Variants in DMD observed in about 807,000 individuals in gnomAD.
The protein encoded by DMD is dystrophin, also known as mutant dystrophin.
Under a neutral mutation model 330.1 loss-of-function variants are expected in DMD, and 63 were observed. The observed-to-expected ratio is 0.19, with a 90% CI of 0.16 to 0.24. The LOEUF (loss-of-function observed/expected upper bound fraction) is 0.24. Ranked by LOEUF, DMD falls within the 10% of genes least tolerant of loss-of-function variation. The probability of loss-of-function intolerance (pLI) is 1.00; values close to 1 mark genes in which losing one functional copy is unlikely to be tolerated. For synonymous variants in DMD, 1,223 were observed against 959.8 expected (o/e 1.27, Z -5.07); for missense variants, 3,344 against 2,684.1 (o/e 1.25, Z -5.43).
At chrX:31,470,651 C>G (rs1187446649) in intron 59 of DMD, among the ~76,000 whole-genome samples, 1 of 112,282 alleles carries the variant, frequency 8.9e-6, no homozygotes, top group Non-Finnish European at 1.9e-5. Context: ...AGAAGGCAGT[C>G]TGTCCCTTAG....
chrX:32,611,013 T>A (rs973062951), intron 12 of DMD, among the ~76,000 whole-genome samples: 1 of 111,286 alleles, frequency 9.0e-6, no homozygotes, highest in Admixed American at 9.6e-5. Context: ...AGTGTTCCTT[T>A]AATTCTGTAT....
At chrX:32,610,882 G>GA (rs1188970140) in intron 12 of DMD, among the ~76,000 whole-genome samples, 2 of 110,615 alleles carry the variant, frequency 1.8e-5, no homozygotes, top group African/African-American at 3.3e-5. Context: ...CAATTCTTGG[G>GA]AAAAAAAGCT....
chrX:32,133,171 G>A (rs1392830164), intron 44 of DMD, among the ~76,000 whole-genome samples: 2 of 109,086 alleles, frequency 1.8e-5, no homozygotes, highest in East Asian at 5.8e-4. Flanking sequence ...ACCACACCCA[G>A]CTAATTTTGT....
intron 7 of DMD, among the ~76,000 whole-genome samples, chrX:32,780,117 T>C (rs2074569949): frequency 8.9e-6 from 1 of 111,942 alleles, no homozygotes; most frequent in Non-Finnish European, 1.9e-5. Flanking sequence ...TTTAGCATAC[T>C]CAATAAAATC....
At chrX:32,965,418 T>C (rs186627314) in intron 2 of DMD, among the ~76,000 whole-genome samples, 1,073 of 97,714 alleles carry the variant, frequency 0.011, 15 homozygotes, top group African/African-American at 0.039. Flanking sequence ...CATTTGAACC[T>C]GGGAGGCGGA....
At chrX:32,899,391 T>C (rs1255935315) in intron 2 of DMD, among the ~76,000 whole-genome samples, 1 of 111,293 alleles carries the variant, frequency 9.0e-6, no homozygotes, top group African/African-American at 3.3e-5. Flanking sequence ...TACTTAATTC[T>C]ACGGCCGGGT....
At chrX:32,016,538 T>A (rs764421596) in intron 44 of DMD, among the ~76,000 whole-genome samples, 4,024 of 112,271 alleles carry the variant, frequency 0.036, 67 homozygotes, top group Non-Finnish European at 0.057. Flanking sequence ...TTCCTAGCAG[T>A]GCCTGGCACA....
At chrX:32,819,551 A>C (rs150895237) in intron 5 of DMD, among the ~76,000 whole-genome samples, 1,360 of 112,165 alleles carry the variant, frequency 0.012, 11 homozygotes, top group Non-Finnish European at 0.019. Context: ...GTTACAAAAT[A>C]TGCGTTACTG....
chrX:32,834,686 G>T (rs928819899), intron 4 of DMD, among the ~76,000 whole-genome samples: 2 of 111,616 alleles, frequency 1.8e-5, no homozygotes, highest in African/African-American at 6.5e-5. Flanking sequence ...CCACATTGTA[G>T]ATTTGAAGTT....
At chrX:32,000,334 T>A (rs1018388770) in intron 44 of DMD, among the ~76,000 whole-genome samples, 2 of 112,228 alleles carry the variant, frequency 1.8e-5, no homozygotes, top group Non-Finnish European at 3.8e-5. Flanking sequence ...ACTTAATCGT[T>A]GTCTTTCTCA....
chrX:32,823,069 A>C (rs1376867341), intron 5 of DMD, among the ~76,000 whole-genome samples: 1 of 111,716 alleles, frequency 9.0e-6, no homozygotes, highest in African/African-American at 3.3e-5. Flanking sequence ...TACTTACTCA[A>C]TGAAATAAAA....
At chrX:32,544,176 C>A (rs1421558160) in intron 17 of DMD, among the ~76,000 whole-genome samples, 1 of 111,384 alleles carries the variant, frequency 9.0e-6, no homozygotes, top group African/African-American at 3.3e-5. Context: ...GGAGAAAAGG[C>A]CCAGTGATTT....
intron 44 of DMD, among the ~76,000 whole-genome samples, chrX:32,098,279 A>G (rs769047609): frequency 8.9e-6 from 1 of 111,902 alleles, no homozygotes; most frequent in African/African-American, 3.2e-5. Flanking sequence ...GAGAAACAAT[A>G]AAGCATAATT....
chrX:31,752,995 G>A (rs188997471), intron 51 of DMD, among the ~76,000 whole-genome samples: 1 of 112,088 alleles, frequency 8.9e-6, no homozygotes, highest in East Asian at 2.8e-4. Flanking sequence ...GAGGGAGAGG[G>A]AAGAACTACA....
chrX:31,637,209 G>A (rs2148481553), intron 54 of DMD, among the ~76,000 whole-genome samples: 1 of 111,690 alleles, frequency 9.0e-6, no homozygotes, highest in Non-Finnish European at 1.9e-5. Flanking sequence ...TAATGGCTCA[G>A]ATATGATTTA....
intron 2 of DMD, among the ~76,000 whole-genome samples, chrX:32,904,296 G>A (rs921385174): frequency 1.6e-4 from 18 of 111,735 alleles, no homozygotes; most frequent in Admixed American, 4.8e-4. Context: ...TCAAGAAGCC[G>A]AACATTATCT....
At chrX:33,202,967 C>A (rs2051363861) in intron 1 of DMD, among the ~76,000 whole-genome samples, 3 of 111,503 alleles carry the variant, frequency 2.7e-5, no homozygotes, top group Admixed American at 9.6e-5. Context: ...GTCTTACTTC[C>A]TCCAAAGCTA....
intron 39 of DMD, among the ~76,000 whole-genome samples, chrX:32,343,567 T>C (rs1368528653): frequency 2.7e-5 from 3 of 111,788 alleles, no homozygotes; most frequent in African/African-American, 9.7e-5. Context: ...TGACTCTTAA[T>C]GAGCTAACTG....
intron 44 of DMD, among the ~76,000 whole-genome samples, chrX:32,028,870 T>C (rs1272699982): frequency 8.9e-6 from 1 of 111,849 alleles, no homozygotes. Context: ...CACTTTCTTT[T>C]TCTTCATCCT....
Sources: gnomAD v4.1 joint callset for allele counts (sites outside exome capture counted in the v4.1 genomes callset) on GRCh38, gnomAD v4.1.1 for gene constraint, MANE v1.5 for transcripts, NCBI Gene and HGNC (gene_info 2026-07-23, HGNC 2026-07-21) for gene names.